IGF1R: variants seen among roughly 807,000 people sequenced by gnomAD.
The protein encoded by IGF1R is insulin like growth factor 1 receptor, also known as insulin-like growth factor 1 receptor.
In IGF1R, 44 loss-of-function variants were observed where a neutral mutation model predicts 144.6. The ratio of observed to expected loss-of-function variants is 0.30; its 90% CI spans 0.24 to 0.39. The LOEUF (loss-of-function observed/expected upper bound fraction) is 0.39. Among genes scored for constraint, IGF1R ranks in the 10% least tolerant of loss-of-function variants. The pLI, the probability that IGF1R is intolerant of heterozygous loss-of-function variation, is 1.00. For synonymous variants in IGF1R, 795 were observed against 722.8 expected (o/e 1.10, Z -1.60); for missense variants, 1,355 against 1,833.7 (o/e 0.74, Z 4.77).
At chr15:98,852,346 C>G (rs943471296) in intron 2 of IGF1R, among the ~76,000 whole-genome samples, 3 of 152,044 alleles carry the variant, frequency 2.0e-5, no homozygotes, top group African/African-American at 4.8e-5. Context: ...GCGGGCACCC[C>G]GCGCCCGCGC....
chr15:98,694,842 T>C (rs1054261534), intron 1 of IGF1R, among the ~76,000 whole-genome samples: 1 of 152,164 alleles, frequency 6.6e-6, no homozygotes, highest in African/African-American at 2.4e-5. Context: ...TGTGGCTTGC[T>C]GGGGAAAGTT....
At chr15:98,815,215 C>A (rs550683380) in intron 2 of IGF1R, among the ~76,000 whole-genome samples, 1 of 152,228 alleles carries the variant, frequency 6.6e-6, no homozygotes, top group African/African-American at 2.4e-5. Flanking sequence ...GCTCTTGGGG[C>A]AAACCAGCTC....
At chr15:98,665,240 C>G (rs1047421990) in intron 1 of IGF1R, among the ~76,000 whole-genome samples, 23 of 152,112 alleles carry the variant, frequency 1.5e-4, no homozygotes, top group East Asian at 1.9e-4. Flanking sequence ...CGTGAGCCAC[C>G]GCGCCCGGCA....
At chr15:98,956,227 A>G (rs1362441327) in intron 20 of IGF1R, among the ~76,000 whole-genome samples, 3 of 152,154 alleles carry the variant, frequency 2.0e-5, no homozygotes, top group South Asian at 2.1e-4. Flanking sequence ...CCTCACAGGT[A>G]TTTGCAGCCC....
intron 2 of IGF1R, among the ~76,000 whole-genome samples, chr15:98,776,996 T>C (rs953952625): frequency 7.2e-5 from 11 of 152,334 alleles, no homozygotes; most frequent in African/African-American, 2.6e-4. Flanking sequence ...TGACCTTGTG[T>C]GGTTTCTGGT....
intron 1 of IGF1R, among the ~76,000 whole-genome samples, chr15:98,679,755 C>T (rs191363602): frequency 6.6e-6 from 1 of 152,208 alleles, no homozygotes; most frequent in Non-Finnish European, 1.5e-5. Flanking sequence ...CAGGCAGGTC[C>T]TTCAGGAGGT....
intron 20 of IGF1R, chr15:98,954,477 T>G (rs987954500): frequency 4.6e-5 from 7 of 152,340 alleles, no homozygotes; most frequent in Non-Finnish European, 7.3e-5. Flanking sequence ...TGGAGATTTT[T>G]TGTGTGTGTG....
At chr15:98,919,142 T>C (rs2015378400) in intron 10 of IGF1R, among the ~76,000 whole-genome samples, 1 of 152,220 alleles carries the variant, frequency 6.6e-6, no homozygotes, top group African/African-American at 2.4e-5. Context: ...GTGACTTCTC[T>C]GACATCCTAA....
At chr15:98,721,721 T>G (rs547751489) in intron 2 of IGF1R, among the ~76,000 whole-genome samples, 42 of 152,314 alleles carry the variant, frequency 2.8e-4, no homozygotes, top group African/African-American at 9.9e-4. Flanking sequence ...TAAAGAGATT[T>G]ACAAAACATT....
intron 3 of IGF1R, among the ~76,000 whole-genome samples, chr15:98,893,008 G>T (rs2014004630): frequency 6.6e-6 from 1 of 152,120 alleles, no homozygotes; most frequent in South Asian, 2.1e-4. Flanking sequence ...CAGAGACCCT[G>T]TCTCAAAAAA....
At position 98,957,459 on chromosome 15, in the gene IGF1R, CTG is replaced by C. The variant is rs2017048799; in HGVS notation, c.*20_*21del. 6.2e-7 allele frequency: 1 copy of C among 1,612,544 alleles called. No homozygotes were observed. Among genetic ancestry groups the C allele is most frequent in the African/African-American group, 1.3e-5 (1 of 74,932 alleles). ...ACCTGCTGATCCTTGGATCCTGAAT[CTG>C]TGCAAACAGTAACGTGTGCGCACGC... On this transcript the variant is annotated 3_prime_UTR_variant, in exon 21 of 21. Coordinates refer to ENST00000650285, the MANE Select transcript of IGF1R (RefSeq NM_000875.5).
intron 2 of IGF1R, chr15:98,890,280 A>C (rs1490517310): frequency 6.6e-6 from 1 of 152,236 alleles, no homozygotes; most frequent in African/African-American, 2.4e-5. Context: ...GTCAGCACAA[A>C]ATACAGGTCA....
intron 1 of IGF1R, among the ~76,000 whole-genome samples, chr15:98,675,625 C>G (rs1018457515): frequency 3.3e-5 from 5 of 152,116 alleles, no homozygotes; most frequent in Admixed American, 2.6e-4. Flanking sequence ...AGTTTATACT[C>G]AAGTCAAAAT....
chr15:98,929,454 G>A (rs1054162570), intron 13 of IGF1R, 104 bp from the exon 14 acceptor site: 9 of 869,050 alleles, frequency 1.0e-5, no homozygotes, highest in Admixed American at 1.7e-5. Context: ...GGGAGTAAAC[G>A]AATATACAGG....
At position 98,957,406 on chromosome 15, in the gene IGF1R, GC is replaced by G. The variant is rs2151738846; in HGVS notation, c.4069del (p.Arg1357GlyfsTer22). 6.2e-7 allele frequency: 1 copy of G among 1,613,290 alleles called. No homozygotes were observed. The highest frequency in any genetic ancestry group is 1.7e-5 in the Admixed American group (1 of 60,038). On this transcript the variant is annotated frameshift_variant, in exon 21 of 21. Coordinates refer to ENST00000650285, the MANE Select transcript of IGF1R (RefSeq NM_000875.5). LOFTEE classifies it high-confidence loss of function. ...ACATGAACGGGGGCCGCAAGAACGA[GC>G]GGGCCTTGCCGCTGCCCCAGTCTTC... is the stretch of plus-strand genomic sequence containing the variant. ...AHMNGGRKNE[R>X]ALPLPQSSTC
intron 2 of IGF1R, among the ~76,000 whole-genome samples, chr15:98,839,041 C>T (rs956050325): frequency 1.3e-5 from 2 of 152,250 alleles, no homozygotes; most frequent in African/African-American, 2.4e-5. Flanking sequence ...ACAAACAGCA[C>T]TGTCAGCCAA....
chr15:98,786,125 A>G (rs898846733), intron 2 of IGF1R, among the ~76,000 whole-genome samples: 1 of 152,176 alleles, frequency 6.6e-6, no homozygotes, highest in Non-Finnish European at 1.5e-5. Context: ...AATCTCAGAC[A>G]TGGAAAGCAA....
intron 2 of IGF1R, among the ~76,000 whole-genome samples, chr15:98,714,186 A>AG (rs1491024225): frequency 6.7e-6 from 1 of 150,274 alleles, no homozygotes; most frequent in African/African-American, 2.5e-5. Flanking sequence ...AAAAAAAAAA[A>AG]GTCTACATTT....
At chr15:98,720,461 G>A (rs2054221016) in intron 2 of IGF1R, among the ~76,000 whole-genome samples, 2 of 152,288 alleles carry the variant, frequency 1.3e-5, no homozygotes, top group South Asian at 4.1e-4. Context: ...TCTAGACTTG[G>A]AATGGTATGA....
Sources: allele counts gnomAD v4.1 joint callset (sites outside exome capture counted in the v4.1 genomes callset), GRCh38; gene constraint gnomAD v4.1.1; transcripts MANE v1.5; gene names NCBI Gene and HGNC (gene_info 2026-07-23, HGNC 2026-07-21).